AP1G1: variants seen among roughly 807,000 people sequenced by gnomAD.
AP1G1 encodes the protein adaptor related protein complex 1 subunit gamma 1.
Under a neutral mutation model 108.3 loss-of-function variants are expected in AP1G1, and 7 were observed. The observed-to-expected ratio is 0.06, with a 90% CI of 0.04 to 0.12. AP1G1 has a LOEUF of 0.12. Among genes scored for constraint, AP1G1 ranks in the 10% least tolerant of loss-of-function variants. The pLI is 1.00. For missense variants in AP1G1, 756 were observed against 1,010.7 expected, an observed-to-expected ratio of 0.75 and a Z score of 3.42; for synonymous variants, 379 against 353.5, an observed-to-expected ratio of 1.07 and a Z score of -0.81.
chr16:71,745,374 A>G, intron 18 of AP1G1, 99 bp downstream of exon 18: 1 of 1,602,162 alleles, frequency 6.2e-7, no homozygotes, highest in Non-Finnish European at 8.5e-7. Context: ...GAAATCATCA[A>G]CCAACCCAGG....
chr16:71,740,277 G>A (rs1440902189), intron 19 of AP1G1, among the ~76,000 whole-genome samples: 1 of 152,144 alleles, frequency 6.6e-6, no homozygotes, highest in African/African-American at 2.4e-5. Context: ...TAGCACCCCT[G>A]GGCTTTTATG....
At chr16:71,805,847 ACTAT>A (rs1322405348) in intron 1 of AP1G1, among the ~76,000 whole-genome samples, 1 of 151,818 alleles carries the variant, frequency 6.6e-6, no homozygotes, top group African/African-American at 2.4e-5. Flanking sequence ...ATGACAAAAC[ACTAT>A]CTATACAAAA....
At chr16:71,787,416 A>T (rs2032244678) in intron 2 of AP1G1, among the ~76,000 whole-genome samples, 1 of 151,832 alleles carries the variant, frequency 6.6e-6, no homozygotes, top group Non-Finnish European at 1.5e-5. Flanking sequence ...ACTTGAGCCC[A>T]GTAGGTTGAG....
chr16:71,748,227 A>G (rs749175530), intron 16 of AP1G1, 24 bp downstream of exon 16: 8 of 1,595,420 alleles, frequency 5.0e-6, no homozygotes. Context: ...CAACCTGTTC[A>G]CCCTATGTTT....
intron 1 of AP1G1, chr16:71,808,224 G>A (rs535556168): frequency 2.8e-6 from 3 of 1,067,502 alleles, no homozygotes; most frequent in South Asian, 2.2e-5. Flanking sequence ...ACACACACAC[G>A]AAAAATTGGG....
Position 71,730,424 on chromosome 16 carries a change from C to T in AP1G1, c.*2634G>A, listed in dbSNP as rs1029601125. On this transcript the variant is annotated 3_prime_UTR_variant, in exon 23 of 23. Coordinates refer to ENST00000299980, the MANE Select transcript of AP1G1 (RefSeq NM_001128.6). ...TCACTGCTTATCACCCCAGGGTTAT[C>T]AAAACAGCCTTGGAAAATGCTCTTT... is the stretch of plus-strand genomic sequence containing the variant. The T allele has an allele frequency of 8.5e-5, 13 of 152,278 alleles. No homozygotes were observed. Among genetic ancestry groups the T allele is most frequent in the African/African-American group, 3.1e-4 (13 of 41,422 alleles). 9.4% of individuals were successfully genotyped at this position (152,278 alleles called of 1,614,324 possible). A position where few individuals can be genotyped will look rare whatever the true frequency, so the allele number is the denominator to read the frequency against.
chr16:71,785,685 C>T (rs1393069706), intron 2 of AP1G1, among the ~76,000 whole-genome samples: 2 of 151,504 alleles, frequency 1.3e-5, no homozygotes, highest in East Asian at 1.9e-4. Flanking sequence ...ATCGAGACCA[C>T]CCTGGCTAAC....
chr16:71,785,555 A>C (rs1375797462), intron 2 of AP1G1, among the ~76,000 whole-genome samples: 2 of 137,340 alleles, frequency 1.5e-5, no homozygotes, highest in African/African-American at 5.6e-5. Context: ...AGCCTGAGTG[A>C]CAAGAGCGAA....
intron 12 of AP1G1, among the ~76,000 whole-genome samples, chr16:71,755,721 C>T (rs376234031): frequency 3.7e-4 from 56 of 152,108 alleles, no homozygotes; most frequent in African/African-American, 1.3e-3. Context: ...CCTTGGCTCA[C>T]TGCAACCTCC....
At chr16:71,774,633 G>A in intron 2 of AP1G1, 41 bp from the exon 3 acceptor site, 2 of 1,539,442 alleles carry the variant, frequency 1.3e-6, no homozygotes, top group Middle Eastern at 1.8e-4. Context: ...ATTAAAACTT[G>A]CTACCACAAT....
At position 71,739,230 on chromosome 16, in the gene AP1G1, G is replaced by A. The variant is rs774847662; in HGVS notation, c.2107+4C>T. On this transcript the variant is annotated splice_donor_region_variant and intron_variant, in intron 20 of 22. Transcript: ENST00000299980. The stretch of plus-strand genomic sequence containing the variant: ...TGTAATGATGGTAACAACAGTCATC[G>A]TACCTGCAGCAATATCATTGAAGAG... 5.6e-6 allele frequency: 9 copies of A among 1,611,746 alleles called. No homozygotes were observed. The highest frequency in any genetic ancestry group is 1.3e-5 in the African/African-American group (1 of 74,820).
intron 15 of AP1G1, 89 bp downstream of exon 15, chr16:71,749,805 G>A: frequency 8.7e-7 from 1 of 1,151,614 alleles, no homozygotes; most frequent in Non-Finnish European, 1.3e-6. Context: ...AAGTTTTCAA[G>A]GAATCAACCT....
chr16:71,745,684 A>AATGGTG, intron 17 of AP1G1, 70 bp from the exon 18 acceptor site: 4 of 1,317,764 alleles, frequency 3.0e-6, no homozygotes, highest in South Asian at 1.2e-5. Context: ...AATCACCATT[A>AATGGTG]ACTATGTTGA....
At chr16:71,806,698 C>G in intron 1 of AP1G1, 2 of 1,288,188 alleles carry the variant, frequency 1.6e-6, no homozygotes, top group Non-Finnish European at 2.0e-6. Context: ...AATGAGTGAG[C>G]ATTACATAGG....
Position 71,798,226 on chromosome 16 carries a change from C to T in AP1G1, c.-3-8744G>A, listed in dbSNP as rs938185893. 5.9e-5 allele frequency among the ~76,000 whole-genome samples: 9 copies of T among 151,574 alleles called. 1 individual carries two copies. Among genetic ancestry groups the T allele is most frequent in the Admixed American group, 5.3e-4 (8 of 15,214 alleles). ...TTTAGAGGCCAAGGTGGGAGGATCA[C>T]TTGAGGCCATGAGTTAGAAACCAGC... On this transcript the variant is annotated intron_variant, in intron 1 of 22. Coordinates refer to ENST00000299980, the MANE Select transcript of AP1G1 (RefSeq NM_001128.6).
chr16:71,808,570 G>C, intron 1 of AP1G1, 193 bp downstream of exon 1: 1 of 1,289,142 alleles, frequency 7.8e-7, no homozygotes, highest in Non-Finnish European at 1.0e-6. Flanking sequence ...AGGCCTCGGG[G>C]TCGGCCCTCC....
At chr16:71,744,571 G>GTGT (rs2030063099) in intron 19 of AP1G1, among the ~76,000 whole-genome samples, 3 of 114,410 alleles carry the variant, frequency 2.6e-5, no homozygotes, top group Admixed American at 1.1e-4. Flanking sequence ...GAGAAAGTGT[G>GTGT]TTTTTTTTTT....
At chr16:71,733,180 T>A (rs1453743212) in intron 22 of AP1G1, 21 bp from the exon 23 acceptor site, 1 of 1,571,654 alleles carries the variant, frequency 6.4e-7, no homozygotes, top group Non-Finnish European at 8.8e-7. Context: ...AAAAGAGAAG[T>A]GCAAATTATA....
chr16:71,780,278 C>G (rs922467114), intron 2 of AP1G1, among the ~76,000 whole-genome samples: 4 of 151,836 alleles, frequency 2.6e-5, no homozygotes, highest in African/African-American at 9.7e-5. Flanking sequence ...CGTGAGCCAC[C>G]GCGCCGGCCA....
Sources: allele counts gnomAD v4.1 joint callset (sites outside exome capture counted in the v4.1 genomes callset), GRCh38; gene constraint gnomAD v4.1.1; transcripts MANE v1.5; gene names NCBI Gene and HGNC (gene_info 2026-07-23, HGNC 2026-07-21).